TMPRSS12: variants seen among roughly 807,000 people sequenced by gnomAD.
TMPRSS12 encodes the protein transmembrane serine protease 12, also known as transmembrane protease serine 12.
In TMPRSS12, 25 loss-of-function variants were observed where a neutral mutation model predicts 26.0. The observed-to-expected ratio is 0.96, with a 90% CI of 0.70 to 1.34. TMPRSS12 has a LOEUF of 1.34. Ranked by LOEUF, TMPRSS12 falls within the 40% of genes most tolerant of loss-of-function variation. The probability of loss-of-function intolerance (pLI) is 0.00; values close to 1 mark genes in which losing one functional copy is unlikely to be tolerated. For synonymous variants in TMPRSS12, 150 were observed against 161.7 expected (o/e 0.93, Z 0.55); for missense variants, 441 against 440.1 (o/e 1.00, Z -0.02).
chr12:50,874,178 C>T (rs911513870), intron 3 of TMPRSS12, among the ~76,000 whole-genome samples: 6 of 152,066 alleles, frequency 3.9e-5, no homozygotes, highest in African/African-American at 1.4e-4. Flanking sequence ...TCTAATATTA[C>T]ACACTCAGAA....
intron 3 of TMPRSS12, among the ~76,000 whole-genome samples, chr12:50,872,904 T>TG (rs1264062757): frequency 1.2e-4 from 14 of 114,136 alleles, no homozygotes; most frequent in Non-Finnish European, 1.7e-4. Context: ...TGTACATATA[T>TG]ATGACTATAT....
chr12:50,885,195 A>G, intron 3 of TMPRSS12, 51 bp from the exon 4 acceptor site: 2 of 1,495,556 alleles, frequency 1.3e-6, no homozygotes, highest in Admixed American at 2.3e-5. Context: ...CATTTAAATC[A>G]CTGTAAAAAT....
chr12:50,854,858 G>A (rs1203120861), intron 2 of TMPRSS12, among the ~76,000 whole-genome samples: 4 of 152,154 alleles, frequency 2.6e-5, no homozygotes, highest in Non-Finnish European at 4.4e-5. Context: ...TGGATAGGAA[G>A]AATCATTATT....
chr12:50,857,206 T>G (rs1313695598), intron 2 of TMPRSS12, among the ~76,000 whole-genome samples: 1 of 152,238 alleles, frequency 6.6e-6, no homozygotes, highest in Non-Finnish European at 1.5e-5. Flanking sequence ...CATTTTTCCT[T>G]GTCAACATAT....
In TMPRSS12 at chr12:50,843,022, T is replaced by C. The variant is rs61734834; in HGVS notation, c.58T>C (p.Ser20Pro). The part of the protein sequence containing the change: ...LLFVGSSHLY[S>P]DHYSPSGRHR... ...GTTTGTGGGGAGCTCTCACTTATAC[T>C]CAGACCACTACTCGCCCTCTGGAAG... is the stretch of plus-strand genomic sequence containing the variant. The change falls in exon 1 of 5, where the codon TCA becomes CCA. Residue 20 changes from serine to proline, a missense_variant. By Grantham distance (74) the Ser-to-Pro change is moderately conservative (BLOSUM62 -1). Coordinates refer to ENST00000398458, the MANE Select transcript of TMPRSS12 (RefSeq NM_182559.3). The C allele has an allele frequency of 3.9e-4, 627 of 1,606,848 alleles. 5 individuals carry two copies. In the African/African-American group the frequency reaches 7.5e-3, roughly 19 times the overall value.
At chr12:50,872,771 G>GTATATATGTACATATAGACGTC (rs1938070405) in intron 3 of TMPRSS12, among the ~76,000 whole-genome samples, 1 of 55,746 alleles carries the variant, frequency 1.8e-5, no homozygotes, top group African/African-American at 9.0e-5. Flanking sequence ...TATATATGAC[G>GTATATATGTACATATAGACGTC]TATATATGTA....
At chr12:50,878,184 C>A (rs1371043666) in intron 3 of TMPRSS12, among the ~76,000 whole-genome samples, 4 of 140,374 alleles carry the variant, frequency 2.8e-5, no homozygotes, top group Non-Finnish European at 6.2e-5. Flanking sequence ...TCTAGAATAG[C>A]CAAAATTATT....
intron 2 of TMPRSS12, among the ~76,000 whole-genome samples, chr12:50,850,345 G>A (rs748489920): frequency 6.6e-6 from 1 of 152,178 alleles, no homozygotes; most frequent in Non-Finnish European, 1.5e-5. Context: ...TTGGGAGGCT[G>A]AGGCAGAAGG....
In TMPRSS12 at chr12:50,858,926, T is replaced by C; in HGVS notation, c.525T>C (p.Phe175=). ...LESYVNDIAL[F]HLKKAVRYND... ...CTTATGTAAATGATATTGCACTTTTTCACTTAAAAAAAGCAGTGAGGTATA... is the reference window on the plus strand; with the variant it reads ...CTTATGTAAATGATATTGCACTTTTCCACTTAAAAAAAGCAGTGAGGTATA... Residue 175 remains phenylalanine (F), a synonymous_variant, in exon 3 of 5, where the codon TTT becomes TTC. Transcript: ENST00000398458. The C allele has an allele frequency of 1.3e-6, 2 of 1,587,688 alleles. No individual in the cohort carries two copies. The highest frequency in any genetic ancestry group is 1.7e-6 in the Non-Finnish European group (2 of 1,165,516).
At chr12:50,879,722 C>T (rs1186096287) in intron 3 of TMPRSS12, among the ~76,000 whole-genome samples, 2 of 152,164 alleles carry the variant, frequency 1.3e-5, no homozygotes, top group African/African-American at 4.8e-5. Flanking sequence ...AATCCCTAAA[C>T]TTTGGGAGTC....
intron 3 of TMPRSS12, among the ~76,000 whole-genome samples, chr12:50,877,563 A>C (rs1399315158): frequency 6.6e-6 from 1 of 152,244 alleles, no homozygotes; most frequent in East Asian, 1.9e-4. Context: ...ATCTGAAAAC[A>C]AAATTTAAGA....
At chr12:50,875,453 G>A (rs1455286623) in intron 3 of TMPRSS12, among the ~76,000 whole-genome samples, 3 of 119,574 alleles carry the variant, frequency 2.5e-5, no homozygotes, top group Non-Finnish European at 3.2e-5. Flanking sequence ...TCATGCCACT[G>A]TACTCAAGCC....
At chr12:50,864,829 T>G (rs1937975304) in intron 3 of TMPRSS12, among the ~76,000 whole-genome samples, 1 of 151,830 alleles carries the variant, frequency 6.6e-6, no homozygotes, top group Non-Finnish European at 1.5e-5. Flanking sequence ...AGCTAATTTT[T>G]TGTGTGTTTT....
intron 2 of TMPRSS12, among the ~76,000 whole-genome samples, chr12:50,855,230 A>G (rs1272694978): frequency 6.6e-6 from 1 of 152,208 alleles, no homozygotes; most frequent in African/African-American, 2.4e-5. Context: ...GTGGAACCTA[A>G]TAAAACTAAA....
chr12:50,882,713 G>GAAATT (rs1938188011), intron 3 of TMPRSS12, among the ~76,000 whole-genome samples: 1 of 152,174 alleles, frequency 6.6e-6, no homozygotes. Context: ...AACCAAAACT[G>GAAATT]ACCAAAGAAG....
chr12:50,872,748 CTA>C (rs1400992344), intron 3 of TMPRSS12, among the ~76,000 whole-genome samples: 3 of 48,004 alleles, frequency 6.2e-5, no homozygotes, highest in African/African-American at 3.0e-4. Context: ...ATATATACGT[CTA>C]TATATGTACA....
chr12:50,846,973 A>G (rs1937774219), intron 2 of TMPRSS12, among the ~76,000 whole-genome samples: 1 of 149,818 alleles, frequency 6.7e-6, no homozygotes, highest in African/African-American at 2.5e-5. Flanking sequence ...AATATTCCAT[A>G]TGAATTTTAG....
At chr12:50,877,176 A>G (rs1938121305) in intron 3 of TMPRSS12, among the ~76,000 whole-genome samples, 1 of 152,240 alleles carries the variant, frequency 6.6e-6, no homozygotes, top group Non-Finnish European at 1.5e-5. Context: ...AGCATCATGC[A>G]TATATCTAGG....
intron 3 of TMPRSS12, among the ~76,000 whole-genome samples, chr12:50,875,399 G>A (rs992392480): frequency 2.0e-5 from 3 of 148,568 alleles, no homozygotes; most frequent in Non-Finnish European, 3.0e-5. Context: ...GCTGAGGCAG[G>A]AGAATCGCTT....
Sources: allele counts gnomAD v4.1 joint callset (sites outside exome capture counted in the v4.1 genomes callset), GRCh38; gene constraint gnomAD v4.1.1; transcripts MANE v1.5; gene names NCBI Gene and HGNC (gene_info 2026-07-23, HGNC 2026-07-21).